Variants in VSX2 observed in about 807,000 individuals in gnomAD.
VSX2 encodes the protein visual system homeobox 2.
VSX2 carries 28 observed loss-of-function variants against 32.1 expected under a neutral mutation model. That is an observed-to-expected ratio of 0.87 (90% CI 0.65 to 1.20). VSX2 has a LOEUF of 1.20. VSX2 is among the 50% of genes most tolerant of loss of function. The pLI, the probability that VSX2 is intolerant of heterozygous loss-of-function variation, is 0.00. For missense variants in VSX2, 506 were observed against 488.7 expected (o/e 1.04, Z -0.33); for synonymous variants, 243 against 214.1 (o/e 1.14, Z -1.18).
chr14:74,254,933 C>T (rs1309967697), intron 3 of VSX2, among the ~76,000 whole-genome samples: 2 of 151,946 alleles, frequency 1.3e-5, no homozygotes, highest in African/African-American at 4.8e-5. Flanking sequence ...GCGCCCCCCA[C>T]CACACCCGGC....
At chr14:74,245,424 C>A in intron 3 of VSX2, 136 bp downstream of exon 3, 1 of 1,260,486 alleles carries the variant, frequency 7.9e-7, no homozygotes. Context: ...ATGTTCTCAG[C>A]CTATTTAAGC....
At position 74,239,569 on chromosome 14, in the gene VSX2, G is replaced by T; in HGVS notation, c.8G>T (p.Gly3Val). MT[G>V]KAGEALSKPK... ...CCTCCAAAGAACAGGGAGATGACGG[G>T]GAAAGCAGGGGAAGCGCTGAGCAAG... is the stretch of plus-strand genomic sequence containing the variant. The change falls in exon 1 of 5, where the codon GGG becomes GTG. Residue 3 changes from glycine (G) to valine (V), a missense_variant. By Grantham distance (109) the Gly-to-Val change is moderately radical (BLOSUM62 -3). Coordinates refer to ENST00000261980, the MANE Select transcript of VSX2 (RefSeq NM_182894.3). 6.4e-7 allele frequency: 1 copy of T among 1,551,308 alleles called. No homozygotes were observed. Among genetic ancestry groups the T allele is most frequent in the South Asian group, 1.2e-5 (1 of 84,066 alleles).
At chr14:74,253,028 G>GACA (rs2079239905) in intron 3 of VSX2, among the ~76,000 whole-genome samples, 1 of 145,624 alleles carries the variant, frequency 6.9e-6, no homozygotes. Flanking sequence ...CAGCCTGGGT[G>GACA]GCAGAGTGAG....
chr14:74,239,531 T>G lies in VSX2; in HGVS notation c.-31T>G. 2 of 1,550,126 alleles carry G rather than the reference T, an allele frequency of 1.3e-6. No individual in the cohort carries two copies. Among genetic ancestry groups the G allele is most frequent in the Non-Finnish European group, 1.7e-6 (2 of 1,146,868 alleles). ...GGGGGGGTGGGGGGAGCTAAAGACCTGCGGCCTCAGCCCCTCCAAAGAACA... is the reference window on the plus strand; with the variant it reads ...GGGGGGGTGGGGGGAGCTAAAGACCGGCGGCCTCAGCCCCTCCAAAGAACA... On this transcript the variant is annotated 5_prime_UTR_variant, in exon 1 of 5. Transcript: ENST00000261980.
In VSX2 at chr14:74,260,664, G is replaced by A. The variant is rs62006815; in HGVS notation, c.831G>A (p.Leu277=). The A allele has an allele frequency of 0.037, 60,024 of 1,601,228 alleles. 1,317 individuals are homozygous for A. The highest frequency in any genetic ancestry group is 0.042 in the Non-Finnish European group (49,839 of 1,174,586). The change falls in exon 5 of 5, where the codon CTG becomes CTA. Residue 277 remains leucine, a synonymous_variant. Coordinates refer to ENST00000261980, the MANE Select transcript of VSX2 (RefSeq NM_182894.3). ...GRKPEGERQA[L]PKLDKMEQDE... is the part of the protein sequence containing the mutation. The stretch of plus-strand genomic sequence containing the variant: ...AGCCCGAGGGGGAACGCCAGGCCCT[G>A]CCCAAGCTCGACAAGATGGAGCAGG...
rs778047920 is a variant in VSX2 at position 74,241,279 on chromosome 14, C to T, written c.455+13C>T. The T allele has an allele frequency of 6.2e-7, 1 of 1,611,566 alleles. No individual in the cohort carries two copies. ...AGCGGCGACACAGGTGAGGCCCCCG[C>T]TTTCTGTTACCTCTCCTGCCCGCGC... On this transcript the variant is annotated intron_variant, in intron 2 of 4. Coordinates refer to ENST00000261980, the MANE Select transcript of VSX2 (RefSeq NM_182894.3).
chr14:74,247,640 C>T (rs929049345), intron 3 of VSX2, among the ~76,000 whole-genome samples: 1 of 152,154 alleles, frequency 6.6e-6, no homozygotes, highest in African/African-American at 2.4e-5. Context: ...AAGACTCAAA[C>T]CTAACTCTGA....
chr14:74,258,912 C>G (rs943533369), intron 3 of VSX2, among the ~76,000 whole-genome samples: 2 of 152,218 alleles, frequency 1.3e-5, no homozygotes, highest in Admixed American at 6.5e-5. Flanking sequence ...CATCCCTGGT[C>G]CAGCTCCCCA....
At chr14:74,244,915 TGTGTGTGTGTGTGTGAAA>T (rs2079176366) in intron 2 of VSX2, among the ~76,000 whole-genome samples, 5 of 53,084 alleles carry the variant, frequency 9.4e-5, no homozygotes, top group Non-Finnish European at 2.4e-4. Flanking sequence ...TGTGTGTGTG[TGTGTGTGTGTGTGTGAAA>T]GAGAGAGAGA....
intron 4 of VSX2, 142 bp downstream of exon 4, chr14:74,259,924 G>T (rs775885192): frequency 7.4e-6 from 7 of 940,560 alleles, no homozygotes; most frequent in Non-Finnish European, 1.1e-5. Context: ...AAACCTCTTG[G>T]TCTATCCTGG....
chr14:74,241,568 A>T (rs2079150453), intron 2 of VSX2, among the ~76,000 whole-genome samples: 1 of 152,236 alleles, frequency 6.6e-6, no homozygotes, highest in Non-Finnish European at 1.5e-5. Flanking sequence ...GGCGGTCCCC[A>T]GATCCCCGCA....
chr14:74,239,481 A>G lies in VSX2; in HGVS notation c.-81A>G, dbSNP rs910389484. ...GACACCGGAGGGGGCACCTGGGACC[A>G]ACTTCGCGAAGCGGGAAGCCCGGCG... On this transcript the variant is annotated 5_prime_UTR_variant, in exon 1 of 5. Transcript: ENST00000261980. The G allele has an allele frequency of 1.3e-6, 2 of 1,543,732 alleles. No homozygotes were observed. Among genetic ancestry groups the G allele is most frequent in the Non-Finnish European group, 1.7e-6 (2 of 1,143,060 alleles).
Position 74,260,869 on chromosome 14 carries a change from G to T in VSX2, c.1036G>T (p.Asp346Tyr), listed in dbSNP as rs1226243336. Residue 346 changes from aspartate to tyrosine, a missense_variant, in exon 5 of 5, where the codon GAC becomes TAC. By Grantham distance (160) the Asp-to-Tyr change is radical (BLOSUM62 -3). Coordinates refer to ENST00000261980, the MANE Select transcript of VSX2 (RefSeq NM_182894.3). The stretch of plus-strand genomic sequence containing the variant: ...AGAGGAGGAGGAGGCCATGGATGAA[G>T]ACAGGCCGGCGGAGAGGCTCAGTCC... ...KPEEEEAMDE[D>Y]RPAERLSPPQ... 2 of 1,568,624 alleles carry T rather than the reference G, an allele frequency of 1.3e-6. No homozygotes were observed. The highest frequency in any genetic ancestry group is 4.7e-5 in the East Asian group (2 of 42,138).
intron 3 of VSX2, among the ~76,000 whole-genome samples, chr14:74,247,588 C>T (rs913878702): frequency 9.9e-5 from 15 of 152,208 alleles, no homozygotes; most frequent in Non-Finnish European, 2.1e-4. Flanking sequence ...AGCTGAGGCA[C>T]AGCCTCTTGC....
chr14:74,253,675 A>C (rs2079243703), intron 3 of VSX2, among the ~76,000 whole-genome samples: 1 of 152,210 alleles, frequency 6.6e-6, no homozygotes, highest in South Asian at 2.1e-4. Flanking sequence ...TCACGCCTGT[A>C]ATCCCAGCAC....
chr14:74,240,657 C>T (rs117520672), intron 1 of VSX2, among the ~76,000 whole-genome samples: 7 of 152,314 alleles, frequency 4.6e-5, no homozygotes, highest in Non-Finnish European at 8.8e-5. Context: ...CTTTGTTTTA[C>T]GTGGAAAGGC....
In VSX2 at chr14:74,259,795, A is replaced by T; in HGVS notation, c.760+13A>T. 6.6e-7 allele frequency: 1 copy of T among 1,514,864 alleles called. No individual in the cohort carries two copies. The highest frequency in any genetic ancestry group is 8.8e-7 in the Non-Finnish European group (1 of 1,139,978). The allele number at this position is 1,514,864 out of a possible 1,614,324, so 93.8% of individuals were successfully genotyped here. A position where few individuals can be genotyped will look rare whatever the true frequency, so the allele number is the denominator to read the frequency against. On this transcript the variant is annotated intron_variant, in intron 4 of 4. Coordinates refer to ENST00000261980, the MANE Select transcript of VSX2 (RefSeq NM_182894.3). ...CCGTGGCTACTGGGTAAGAGCCCGC[A>T]CCCTCCTTGGGGTCCTGCCCTGCGG...
chr14:74,240,990 C>T (rs1251136485), intron 1 of VSX2, among the ~76,000 whole-genome samples, 192 bp from the exon 2 acceptor site: 1 of 152,178 alleles, frequency 6.6e-6, no homozygotes, highest in African/African-American at 2.4e-5. Flanking sequence ...CCTCCGGATT[C>T]GGGCCCCGGC....
rs2079305760 is a variant in VSX2, at chr14:74,261,206, G to A, written c.*287G>A. 1.7e-5 allele frequency: 8 copies of A among 475,286 alleles called. No homozygotes were observed. The highest frequency in any genetic ancestry group is 1.4e-4 in the South Asian group (4 of 28,914). 29.4% of individuals were successfully genotyped at this position (475,286 alleles called of 1,614,324 possible). On this transcript the variant is annotated 3_prime_UTR_variant, in exon 5 of 5. Transcript: ENST00000261980. ...CCCCTTCTCTCAATCCCTTTGCAACGCTCACTGGTTTTGGCCACCCCTTGC... is the reference window on the plus strand; with the variant it reads ...CCCCTTCTCTCAATCCCTTTGCAACACTCACTGGTTTTGGCCACCCCTTGC...
Sources: allele counts gnomAD v4.1 joint callset (sites outside exome capture counted in the v4.1 genomes callset), GRCh38; gene constraint gnomAD v4.1.1; transcripts MANE v1.5; gene names NCBI Gene and HGNC (gene_info 2026-07-23, HGNC 2026-07-21).